IFT56: variants seen among roughly 807,000 people sequenced by gnomAD.
The protein encoded by IFT56 is intraflagellar transport protein 56.
chr7:139,178,492 C>T, the IFT56 span: 1 of 1,595,308 alleles, frequency 6.3e-7, no homozygotes, highest in Non-Finnish European at 8.6e-7. Flanking sequence ...CTCAGTGTGA[C>T]CTGTTCTTGG....
At chr7:139,144,899 T>C in the IFT56 span, among the ~76,000 whole-genome samples, 5 of 152,212 alleles carry the variant, frequency 3.3e-5, no homozygotes, top group African/African-American at 1.2e-4. Flanking sequence ...ATTCCAATAG[T>C]GTATCTCTGG....
chr7:139,164,455 G>A, the IFT56 span, among the ~76,000 whole-genome samples: 59 of 152,290 alleles, frequency 3.9e-4, no homozygotes, highest in Non-Finnish European at 7.4e-4. Flanking sequence ...GAGGAAAAGA[G>A]AAGTACACAA....
At chr7:139,134,955 G>A in the IFT56 span, among the ~76,000 whole-genome samples, 63 of 152,252 alleles carry the variant, frequency 4.1e-4, no homozygotes, top group African/African-American at 1.5e-3. Flanking sequence ...CAGATTCCAA[G>A]TTAGCTATAA....
chr7:139,134,584 A>T, the IFT56 span: 1 of 1,493,264 alleles, frequency 6.7e-7, no homozygotes, highest in Non-Finnish European at 8.9e-7. Context: ...TATAAATTAC[A>T]GAGCTGTCAC....
the IFT56 span, chr7:139,173,552 T>G: frequency 1.3e-6 from 1 of 780,948 alleles, no homozygotes; most frequent in Non-Finnish European, 2.4e-6. Context: ...ATACTGAGTT[T>G]GTTCATATGG....
chr7:139,139,015 TGTTGGCCAG>T, the IFT56 span, among the ~76,000 whole-genome samples: 3 of 152,130 alleles, frequency 2.0e-5, no homozygotes, highest in Non-Finnish European at 4.4e-5. Flanking sequence ...GGTTTCACCA[TGTTGGCCAG>T]GATGGTCTCG....
the IFT56 span, among the ~76,000 whole-genome samples, chr7:139,138,155 T>A: frequency 6.6e-6 from 1 of 152,180 alleles, no homozygotes; most frequent in Non-Finnish European, 1.5e-5. Context: ...TGTTAATATG[T>A]CCCATTACAG....
chr7:139,172,561 A>AGCG, the IFT56 span: 1 of 546,856 alleles, frequency 1.8e-6, no homozygotes, highest in South Asian at 1.5e-5. Context: ...CCTCACAGGC[A>AGCG]GCGACACAAG....
chr7:139,149,353 A>T, the IFT56 span, among the ~76,000 whole-genome samples: 1 of 150,734 alleles, frequency 6.6e-6, no homozygotes, highest in African/African-American at 2.4e-5. Context: ...TCTCTTCTTC[A>T]TCTCCATGTA....
At chr7:139,135,295 A>C in the IFT56 span, among the ~76,000 whole-genome samples, 25 of 108,748 alleles carry the variant, frequency 2.3e-4, no homozygotes, top group African/African-American at 1.5e-3. Flanking sequence ...AAAAAAAAAA[A>C]AAACAAAACA....
At chr7:139,159,130 G>A in the IFT56 span, among the ~76,000 whole-genome samples, 1 of 152,112 alleles carries the variant, frequency 6.6e-6, no homozygotes, top group South Asian at 2.1e-4. Flanking sequence ...ATGAATTGAA[G>A]CAGGTACCAT....
the IFT56 span, chr7:139,181,198 G>C: frequency 6.2e-7 from 1 of 1,604,764 alleles, no homozygotes; most frequent in South Asian, 1.1e-5. Flanking sequence ...ACTGCTACAA[G>C]GTGAGTCTGA....
the IFT56 span, among the ~76,000 whole-genome samples, chr7:139,162,283 G>T: frequency 6.6e-6 from 1 of 152,112 alleles, no homozygotes; most frequent in African/African-American, 2.4e-5. Flanking sequence ...TTGGTCTGGA[G>T]CCCAGCTATC....
At chr7:139,153,458 A>AG in the IFT56 span, among the ~76,000 whole-genome samples, 1 of 151,858 alleles carries the variant, frequency 6.6e-6, no homozygotes, top group East Asian at 1.9e-4. Flanking sequence ...AAAAAAAAAA[A>AG]AAGTCATACT....
At chr7:139,178,213 G>A in the IFT56 span, 1 of 1,611,916 alleles carries the variant, frequency 6.2e-7, no homozygotes, top group South Asian at 1.1e-5. Flanking sequence ...CTCCGTTTCA[G>A]ATACAATACC....
chr7:139,139,299 C>T, the IFT56 span, among the ~76,000 whole-genome samples: 1 of 152,184 alleles, frequency 6.6e-6, no homozygotes, highest in Admixed American at 6.5e-5. Context: ...TCGTAAAAGG[C>T]ATAGGAGGAT....
the IFT56 span, among the ~76,000 whole-genome samples, chr7:139,167,662 G>A: frequency 6.6e-6 from 1 of 152,152 alleles, no homozygotes; most frequent in Admixed American, 6.5e-5. Context: ...AAAGGGGCCA[G>A]GAGTGGTGGC....
the IFT56 span, among the ~76,000 whole-genome samples, chr7:139,153,605 A>G: frequency 1.3e-5 from 2 of 152,144 alleles, 1 homozygote; most frequent in East Asian, 3.8e-4. Flanking sequence ...TATGATCGGC[A>G]TCTTTTACTT....
chr7:139,191,135 C>G, the IFT56 span: 1 of 152,200 alleles, frequency 6.6e-6, no homozygotes, highest in African/African-American at 2.4e-5. Flanking sequence ...GCCAGTTTTT[C>G]TGTCTTTTAT....
Sources: gnomAD v4.1 joint callset for allele counts (sites outside exome capture counted in the v4.1 genomes callset) on GRCh38, gnomAD v4.1.1 for gene constraint, MANE v1.5 for transcripts, NCBI Gene and HGNC (gene_info 2026-07-23, HGNC 2026-07-21) for gene names.